TMTC2: variants seen among roughly 807,000 people sequenced by gnomAD.
TMTC2 encodes protein O-mannosyl-transferase TMTC2.
TMTC2 carries 43 observed loss-of-function variants against 82.4 expected under a neutral mutation model. That is an observed-to-expected ratio of 0.52 (90% CI 0.41 to 0.67). TMTC2 has a LOEUF of 0.67. TMTC2 is among the 30% of genes least tolerant of loss of function. The pLI is 0.00. For missense variants in TMTC2, 919 were observed against 1,012.4 expected, an observed-to-expected ratio of 0.91 and a Z score of 1.25; for synonymous variants, 408 against 381.9, an observed-to-expected ratio of 1.07 and a Z score of -0.80.
At chr12:82,898,488 C>A (rs1230712143) in intron 3 of TMTC2, among the ~76,000 whole-genome samples, 1 of 152,150 alleles carries the variant, frequency 6.6e-6, no homozygotes, top group Non-Finnish European at 1.5e-5. Flanking sequence ...AAAGCCAAGA[C>A]AAAAGTGGCT....
chr12:83,025,909 G>C (rs1299572289), intron 8 of TMTC2, among the ~76,000 whole-genome samples: 1 of 152,184 alleles, frequency 6.6e-6, no homozygotes, highest in African/African-American at 2.4e-5. Flanking sequence ...AGGAACTTCT[G>C]CCCTGCTGGA....
At chr12:82,954,169 T>A (rs979164934) in intron 4 of TMTC2, among the ~76,000 whole-genome samples, 1 of 152,146 alleles carries the variant, frequency 6.6e-6, no homozygotes, top group African/African-American at 2.4e-5. Flanking sequence ...CTGTTATTAT[T>A]GCTATTGTTA....
intron 1 of TMTC2, among the ~76,000 whole-genome samples, chr12:82,723,696 G>T (rs1874312645): frequency 6.6e-6 from 1 of 152,148 alleles, no homozygotes; most frequent in South Asian, 2.1e-4. Flanking sequence ...AAATATTTCA[G>T]ATTTTGGAGC....
intron 1 of TMTC2, among the ~76,000 whole-genome samples, chr12:82,717,324 A>G (rs181508071): frequency 6.6e-6 from 1 of 151,770 alleles, no homozygotes; most frequent in Non-Finnish European, 1.5e-5. Flanking sequence ...TCCTGGGTTC[A>G]AGCGATTCTC....
At chr12:83,035,368 A>G (rs1339680053) in intron 9 of TMTC2, among the ~76,000 whole-genome samples, 1 of 152,162 alleles carries the variant, frequency 6.6e-6, no homozygotes, top group African/African-American at 2.4e-5. Flanking sequence ...TTATACAGTT[A>G]GTTCAGTCAG....
intron 7 of TMTC2, among the ~76,000 whole-genome samples, chr12:82,970,876 A>G (rs971318261): frequency 1.3e-5 from 2 of 152,148 alleles, no homozygotes; most frequent in African/African-American, 4.8e-5. Context: ...ACCATTAGCT[A>G]TATTAACCTA....
chr12:82,914,779 C>G (rs960552437), intron 3 of TMTC2, among the ~76,000 whole-genome samples: 3 of 149,400 alleles, frequency 2.0e-5, no homozygotes, highest in African/African-American at 7.4e-5. Flanking sequence ...ATATGTGACT[C>G]AGAGTTTAGT....
At chr12:82,952,542 T>C (rs199944643) in intron 4 of TMTC2, among the ~76,000 whole-genome samples, 1 of 151,894 alleles carries the variant, frequency 6.6e-6, no homozygotes, top group East Asian at 1.9e-4. Context: ...CACACACATA[T>C]GTATATATGG....
At chr12:82,806,644 T>C (rs553138072) in intron 1 of TMTC2, among the ~76,000 whole-genome samples, 1 of 152,336 alleles carries the variant, frequency 6.6e-6, no homozygotes, top group African/African-American at 2.4e-5. Context: ...GTATATGTAT[T>C]ATATACTGTT....
chr12:82,710,658 A>G (rs1390776636), intron 1 of TMTC2, among the ~76,000 whole-genome samples: 1 of 152,252 alleles, frequency 6.6e-6, no homozygotes, highest in East Asian at 1.9e-4. Context: ...CATTGAGAAA[A>G]TGGGGTAAAT....
chr12:83,122,497 C>T (rs1341799360), intron 11 of TMTC2, among the ~76,000 whole-genome samples: 1 of 152,114 alleles, frequency 6.6e-6, no homozygotes, highest in East Asian at 1.9e-4. Flanking sequence ...GAGCTTTTTT[C>T]CGCTGCTTCC....
At chr12:82,780,558 G>A (rs1208873125) in intron 1 of TMTC2, among the ~76,000 whole-genome samples, 1 of 152,008 alleles carries the variant, frequency 6.6e-6, no homozygotes, top group African/African-American at 2.4e-5. Flanking sequence ...TACAAGAGAA[G>A]TTCACAAAGT....
intron 1 of TMTC2, chr12:82,690,387 G>A: frequency 1.0e-6 from 1 of 985,412 alleles, no homozygotes; most frequent in Non-Finnish European, 1.2e-6. Flanking sequence ...GGAGATGGCT[G>A]TTATTCCTGA....
chr12:82,883,076 A>C (rs955862191), intron 2 of TMTC2, among the ~76,000 whole-genome samples: 4 of 137,286 alleles, frequency 2.9e-5, no homozygotes, highest in Admixed American at 2.8e-4. Context: ...AAAAAAAAAA[A>C]AAAAAACCAA....
chr12:83,030,172 T>C (rs548672663), intron 8 of TMTC2, among the ~76,000 whole-genome samples: 1 of 152,314 alleles, frequency 6.6e-6, no homozygotes, highest in South Asian at 2.1e-4. Flanking sequence ...CTGTCTCATT[T>C]CGTTTAGCCT....
chr12:82,952,880 A>G (rs1877420562), intron 4 of TMTC2, among the ~76,000 whole-genome samples: 1 of 152,152 alleles, frequency 6.6e-6, no homozygotes, highest in Non-Finnish European at 1.5e-5. Flanking sequence ...GCAGCATTAT[A>G]CATTTTTAAA....
intron 1 of TMTC2, among the ~76,000 whole-genome samples, chr12:82,729,540 CTG>C (rs974227935): frequency 2.0e-5 from 3 of 152,270 alleles, no homozygotes; most frequent in South Asian, 2.1e-4. Context: ...TGTGTGGACA[CTG>C]TGTATCTAGC....
intron 3 of TMTC2, among the ~76,000 whole-genome samples, chr12:82,899,743 T>TATATATATAAGAATATATATGTGGA (rs1565800224): frequency 7.7e-6 from 1 of 130,158 alleles, no homozygotes; most frequent in African/African-American, 3.4e-5. Flanking sequence ...ATATGTGGAA[T>TATATATATAAGAATATATATGTGGA]ATATATATAT....
At chr12:83,124,875 T>C (rs964285372) in intron 11 of TMTC2, among the ~76,000 whole-genome samples, 2 of 151,986 alleles carry the variant, frequency 1.3e-5, no homozygotes, top group East Asian at 1.9e-4. Context: ...AAACTGAAGA[T>C]AGGGAGAATA....
Sources: gnomAD v4.1 joint callset for allele counts (sites outside exome capture counted in the v4.1 genomes callset) on GRCh38, gnomAD v4.1.1 for gene constraint, MANE v1.5 for transcripts, NCBI Gene and HGNC (gene_info 2026-07-23, HGNC 2026-07-21) for gene names.